Variants in PAK3 observed in about 807,000 individuals in gnomAD.
PAK3 encodes the protein p21 (RAC1) activated kinase 3.
In PAK3, 4 loss-of-function variants were observed where a neutral mutation model predicts 41.0. The observed-to-expected ratio is 0.10, with a 90% CI of 0.05 to 0.22. PAK3 has a LOEUF of 0.22. Among genes scored for constraint, PAK3 ranks in the 10% least tolerant of loss-of-function variants. The pLI is 1.00. For synonymous variants in PAK3, 146 were observed against 139.6 expected, an observed-to-expected ratio of 1.05 and a Z score of -0.32; for missense variants, 205 against 409.9, an observed-to-expected ratio of 0.50 and a Z score of 4.32.
intron 1 of PAK3, among the ~76,000 whole-genome samples, chrX:111,036,306 C>T (rs1413089546): frequency 8.9e-6 from 1 of 112,407 alleles, no homozygotes; most frequent in Admixed American, 9.4e-5. Flanking sequence ...GTGTTGTAGG[C>T]CTTTTATGCT....
intron 5 of PAK3, among the ~76,000 whole-genome samples, chrX:111,128,284 G>T (rs2093674945): frequency 8.9e-6 from 1 of 112,036 alleles, no homozygotes; most frequent in African/African-American, 3.2e-5. Flanking sequence ...GGGGAATCTA[G>T]AGAGATTTGG....
At chrX:111,000,123 A>C (rs1435699477) in intron 1 of PAK3, among the ~76,000 whole-genome samples, 1 of 111,090 alleles carries the variant, frequency 9.0e-6, no homozygotes, top group Non-Finnish European at 1.9e-5. Context: ...ACCCAACCAT[A>C]TTACCTTCCC....
At chrX:110,964,916 C>T (rs773151027) in intron 1 of PAK3, among the ~76,000 whole-genome samples, 2 of 111,335 alleles carry the variant, frequency 1.8e-5, no homozygotes, top group African/African-American at 6.5e-5. Context: ...GCGTGGCAGG[C>T]TCCATTCTTA....
intron 1 of PAK3, among the ~76,000 whole-genome samples, chrX:111,015,370 T>G (rs1660219053): frequency 9.0e-6 from 1 of 111,517 alleles, no homozygotes; most frequent in Admixed American, 9.5e-5. Context: ...TTGGGTTGCT[T>G]CCACCTTTTG....
chrX:111,159,676 A>T (rs1203098039), intron 8 of PAK3, among the ~76,000 whole-genome samples: 2 of 111,929 alleles, frequency 1.8e-5, no homozygotes, highest in Non-Finnish European at 3.8e-5. Context: ...GTGATTTTTT[A>T]AAAATCTGGA....
intron 3 of PAK3, among the ~76,000 whole-genome samples, chrX:111,100,513 G>C (rs1481476255): frequency 9.0e-6 from 1 of 111,402 alleles, no homozygotes; most frequent in Non-Finnish European, 1.9e-5. Flanking sequence ...AACTCAGCCA[G>C]CCACCGTTTC....
At chrX:111,216,659 C>T (rs897580800) in intron 17 of PAK3, 101 bp downstream of exon 17, 2 of 715,630 alleles carry the variant, frequency 2.8e-6, no homozygotes, top group Non-Finnish European at 4.4e-6. Context: ...TAGAGTTAGG[C>T]TATTACCATT....
intron 8 of PAK3, among the ~76,000 whole-genome samples, chrX:111,156,608 A>T (rs903710461): frequency 1.3e-4 from 15 of 112,080 alleles, no homozygotes; most frequent in Non-Finnish European, 2.8e-4. Context: ...ATCTGATTTA[A>T]TGGGTCTGAC....
intron 16 of PAK3, among the ~76,000 whole-genome samples, chrX:111,200,866 A>C (rs2094674965): frequency 1.8e-5 from 2 of 112,640 alleles, no homozygotes; most frequent in South Asian, 7.3e-4. Flanking sequence ...CCCCAATTAC[A>C]ATTGATCTCT....
intron 11 of PAK3, among the ~76,000 whole-genome samples, chrX:111,190,260 G>T (rs192154371): frequency 1.4e-3 from 154 of 111,439 alleles, no homozygotes; most frequent in African/African-American, 4.7e-3. Flanking sequence ...AAGAACCTTA[G>T]AAATAAAGTA....
At chrX:111,207,513 G>C (rs2094767361) in intron 16 of PAK3, among the ~76,000 whole-genome samples, 1 of 111,536 alleles carries the variant, frequency 9.0e-6, no homozygotes, top group Non-Finnish European at 1.9e-5. Context: ...CTATCACCTA[G>C]TGATGTCATA....
At chrX:111,220,248 T>C in intron 17 of PAK3, 110 bp from the exon 18 acceptor site, 3 of 530,415 alleles carry the variant, frequency 5.7e-6, no homozygotes, top group Non-Finnish European at 1.0e-5. Context: ...TGATATTTAA[T>C]TGGGTGTTCA....
chrX:110,986,579 G>A (rs1177499838), intron 1 of PAK3, among the ~76,000 whole-genome samples: 2 of 111,719 alleles, frequency 1.8e-5, no homozygotes. Flanking sequence ...TTCATGCTCA[G>A]AGCCTGAATC....
At chrX:111,057,514 A>G (rs1247394278) in intron 1 of PAK3, among the ~76,000 whole-genome samples, 1 of 111,687 alleles carries the variant, frequency 9.0e-6, no homozygotes, top group Admixed American at 9.5e-5. Flanking sequence ...ATTTTCACAC[A>G]ATATCTTATC....
chrX:110,956,043 T>C (rs1439556485), intron 1 of PAK3, among the ~76,000 whole-genome samples: 1 of 111,941 alleles, frequency 8.9e-6, no homozygotes, highest in Non-Finnish European at 1.9e-5. Context: ...AAAAATAATA[T>C]TAGTACTTAC....
intron 10 of PAK3, among the ~76,000 whole-genome samples, chrX:111,166,381 G>C (rs906035893): frequency 9.0e-6 from 1 of 111,616 alleles, no homozygotes; most frequent in African/African-American, 3.3e-5. Flanking sequence ...ATGGCTCACT[G>C]CAACCTTGAC....
rs1002187250 is a variant in PAK3, at chrX:111,223,111, G to T, written c.*2664G>T. 1 of 110,939 alleles carries T rather than the reference G, an allele frequency of 9.0e-6. No individual in the cohort carries two copies. Among genetic ancestry groups the T allele is most frequent in the Non-Finnish European group, 1.9e-5 (1 of 53,002 alleles). 9.1% of individuals were successfully genotyped at this position (110,939 alleles called of 1,213,427 possible). On this transcript the variant is annotated 3_prime_UTR_variant, in exon 18 of 18. Transcript: ENST00000372007. ...AATCGAGTAACTTGAACGCCAGATTGTTAACAGTTTATTCTCTTTCCCTGG... is the reference window on the plus strand; with the variant it reads ...AATCGAGTAACTTGAACGCCAGATTTTTAACAGTTTATTCTCTTTCCCTGG...
At chrX:111,079,407 A>G (rs2148836188) in intron 1 of PAK3, among the ~76,000 whole-genome samples, 1 of 112,073 alleles carries the variant, frequency 8.9e-6, no homozygotes, top group East Asian at 2.8e-4. Flanking sequence ...ATTATGCTCC[A>G]TAAATGAAAG....
intron 4 of PAK3, among the ~76,000 whole-genome samples, chrX:111,117,493 C>T (rs2093486929): frequency 8.9e-6 from 1 of 111,765 alleles, no homozygotes; most frequent in African/African-American, 3.2e-5. Flanking sequence ...GACGTGGAAG[C>T]CCTTTGGACA....
Sources: allele counts gnomAD v4.1 joint callset (sites outside exome capture counted in the v4.1 genomes callset), GRCh38; gene constraint gnomAD v4.1.1; transcripts MANE v1.5; gene names NCBI Gene and HGNC (gene_info 2026-07-23, HGNC 2026-07-21).